The following RCOR1 variants were observed in gnomAD, a reference collection of about 807,000 sequenced individuals.
RCOR1 encodes the protein REST corepressor.
RCOR1 carries 12 observed loss-of-function variants against 64.0 expected under a neutral mutation model. The observed-to-expected ratio is 0.19, with a 90% confidence interval of 0.12 to 0.30. The LOEUF (loss-of-function observed/expected upper bound fraction) is 0.30, where lower values mean the gene tolerates loss of function less well. Among genes scored for constraint, RCOR1 ranks in the 10% least tolerant of loss-of-function variants. The pLI is 1.00. For missense variants in RCOR1, 502 were observed against 621.2 expected, an observed-to-expected ratio of 0.81 and a Z score of 2.04; for synonymous variants, 279 against 227.2, an observed-to-expected ratio of 1.23 and a Z score of -2.05.
At position 102,592,894 on chromosome 14, in the gene RCOR1, C is replaced by T; in HGVS notation, c.8C>T (p.Ala3Val). The change falls in exon 1 of 12, where the codon GCC becomes GTC. Residue 3 changes from alanine (A) to valine (V), a missense_variant. Physicochemically the swap from Ala to Val is moderately conservative, Grantham distance 64. Coordinates refer to ENST00000262241, the MANE Select transcript of RCOR1 (RefSeq NM_015156.4). ...CGGCCCCGGCCCCCGCCGATGCCGGCCATGGTGGAGAAGGGCCCCGAGGTC... is the reference window on the plus strand; with the variant it reads ...CGGCCCCGGCCCCCGCCGATGCCGGTCATGGTGGAGAAGGGCCCCGAGGTC... MP[A>V]MVEKGPEVSG... is the part of the protein sequence containing the mutation. The T allele has an allele frequency of 8.1e-7, 1 of 1,232,430 alleles. No homozygotes were observed. The highest frequency in any genetic ancestry group is 2.5e-5 in the South Asian group (1 of 40,600). 76.3% of individuals were successfully genotyped at this position (1,232,430 alleles called of 1,614,324 possible).
intron 2 of RCOR1, among the ~76,000 whole-genome samples, chr14:102,644,014 A>G (rs1156622391): frequency 6.6e-6 from 1 of 152,126 alleles, no homozygotes; most frequent in Non-Finnish European, 1.5e-5. Context: ...ATTATCTCAC[A>G]CTTTCTGGTG....
chr14:102,662,198 A>G, intron 2 of RCOR1: 1 of 434,226 alleles, frequency 2.3e-6, no homozygotes, highest in Non-Finnish European at 4.5e-6. Flanking sequence ...TTTTCTGGTG[A>G]AAAGATATAC....
At chr14:102,659,395 CA>C (rs754717240) in intron 2 of RCOR1, 6 of 406,148 alleles carry the variant, frequency 1.5e-5, no homozygotes, top group Non-Finnish European at 2.0e-5. Context: ...ACAATATTAA[CA>C]ACAATAAAAA....
Position 102,592,702 on chromosome 14 carries a change from G to T in RCOR1, c.-185G>T. The T allele has an allele frequency of 8.1e-7, 1 of 1,227,532 alleles. No individual in the cohort carries two copies. The highest frequency in any genetic ancestry group is 1.0e-6 in the Non-Finnish European group (1 of 985,246). 76.0% of individuals were successfully genotyped at this position (1,227,532 alleles called of 1,614,324 possible). Reference sequence around the variant, plus strand: ...GAGCGAAAGTTGCGCTCGGCTCGTCGCTGGGGGCTTGAAGCGGCTCCGCGC... The same window carrying T: ...GAGCGAAAGTTGCGCTCGGCTCGTCTCTGGGGGCTTGAAGCGGCTCCGCGC... On this transcript the variant is annotated 5_prime_UTR_variant, in exon 1 of 12. Transcript: ENST00000262241.
intron 3 of RCOR1, among the ~76,000 whole-genome samples, chr14:102,697,907 G>T (rs1025569115): frequency 1.3e-5 from 2 of 152,090 alleles, no homozygotes; most frequent in Admixed American, 1.3e-4. Flanking sequence ...TTTTAGTAGA[G>T]ATGGGGTTTC....
At chr14:102,653,104 A>G (rs944095225) in intron 2 of RCOR1, among the ~76,000 whole-genome samples, 1 of 151,710 alleles carries the variant, frequency 6.6e-6, no homozygotes, top group Non-Finnish European at 1.5e-5. Flanking sequence ...TTGTATTTTT[A>G]GTAGAGACAG....
chr14:102,643,568 T>G (rs186514453), intron 2 of RCOR1, among the ~76,000 whole-genome samples: 1 of 152,302 alleles, frequency 6.6e-6, no homozygotes, highest in East Asian at 1.9e-4. Context: ...GCACCAGGTA[T>G]CTTCAGAGGC....
chr14:102,604,572 C>A (rs1162136316), intron 2 of RCOR1, among the ~76,000 whole-genome samples: 1 of 152,154 alleles, frequency 6.6e-6, no homozygotes, highest in African/African-American at 2.4e-5. Context: ...CATTGAGAGG[C>A]TTAGTCTTAT....
At chr14:102,602,374 TTTTTCTTTTC>T (rs200568366) in intron 2 of RCOR1, among the ~76,000 whole-genome samples, 373 of 144,868 alleles carry the variant, frequency 2.6e-3, no homozygotes, top group African/African-American at 8.6e-3. Flanking sequence ...TATTAGCATT[TTTTTCTTTTC>T]TTTTCTTTTC....
At chr14:102,718,128 G>A (rs1440967785) in intron 8 of RCOR1, among the ~76,000 whole-genome samples, 4 of 152,210 alleles carry the variant, frequency 2.6e-5, no homozygotes. Flanking sequence ...GTTAGTTCAT[G>A]TGTTCAGTCA....
chr14:102,688,737 A>G (rs1567436398), intron 3 of RCOR1, among the ~76,000 whole-genome samples: 2 of 152,160 alleles, frequency 1.3e-5, no homozygotes, highest in African/African-American at 2.4e-5. Context: ...GCACTGTTCC[A>G]TCATTTACTC....
At chr14:102,726,211 C>T (rs1021342872) in intron 11 of RCOR1, among the ~76,000 whole-genome samples, 1 of 151,718 alleles carries the variant, frequency 6.6e-6, no homozygotes, top group African/African-American at 2.4e-5. Context: ...CCTGTAGTTG[C>T]GGCTACTTGA....
intron 2 of RCOR1, among the ~76,000 whole-genome samples, chr14:102,610,952 G>A (rs1893619904): frequency 7.2e-6 from 1 of 138,918 alleles, no homozygotes; most frequent in Non-Finnish European, 1.6e-5. Context: ...AATGTATGAT[G>A]GCTGTGTGCT....
At chr14:102,707,956 A>C (rs140095563) in intron 5 of RCOR1, among the ~76,000 whole-genome samples, 1,819 of 138,826 alleles carry the variant, frequency 0.013, 39 homozygotes, top group African/African-American at 0.049. Context: ...CGGCCGGCTA[A>C]TTTTTTGTAT....
At chr14:102,643,228 G>T in intron 2 of RCOR1, 1 of 356,860 alleles carries the variant, frequency 2.8e-6, no homozygotes, top group Non-Finnish European at 3.9e-6. Flanking sequence ...CTTGCACAGT[G>T]AGCCCAGATC....
chr14:102,597,256 C>G lies in RCOR1; in HGVS notation c.361+3931C>G, dbSNP rs1283698791. Among the ~76,000 whole-genome samples, 5 of 151,930 alleles carry G rather than the reference C, an allele frequency of 3.3e-5. No homozygotes were observed. The East Asian group carries it at 9.6e-4, about 29-fold the overall frequency. On this transcript the variant is annotated intron_variant, in intron 2 of 11. Transcript: ENST00000262241. ...GGTGGACGTGAAACTTAACAGGCAG[C>G]TTTTTTTCTTTTCTTTTTTTATTAT...
intron 2 of RCOR1, among the ~76,000 whole-genome samples, chr14:102,621,986 C>T (rs752494670): frequency 2.6e-5 from 4 of 152,116 alleles, no homozygotes; most frequent in Admixed American, 6.6e-5. Flanking sequence ...CCCCTCTCCC[C>T]GCAAAGAGAA....
intron 2 of RCOR1, among the ~76,000 whole-genome samples, chr14:102,640,308 A>G (rs1230849229): frequency 3.3e-5 from 5 of 152,210 alleles, no homozygotes; most frequent in African/African-American, 1.2e-4. Context: ...GAAATGGAAG[A>G]TAATGAGTTA....
chr14:102,676,592 G>A (rs1284367733), intron 2 of RCOR1, among the ~76,000 whole-genome samples: 1 of 75,042 alleles, frequency 1.3e-5, no homozygotes, highest in Non-Finnish European at 2.7e-5. Flanking sequence ...GGGCAGAGGC[G>A]CCCCTCACCT....
Sources: gnomAD v4.1 joint callset for allele counts (sites outside exome capture counted in the v4.1 genomes callset) on GRCh38, gnomAD v4.1.1 for gene constraint, MANE v1.5 for transcripts, NCBI Gene and HGNC (gene_info 2026-07-23, HGNC 2026-07-21) for gene names.